The following MLPH variants were observed in gnomAD, a reference collection of about 807,000 sequenced individuals.
MLPH encodes exophilin-3.
MLPH carries 51 observed loss-of-function variants against 72.1 expected under a neutral mutation model. That is an observed-to-expected ratio of 0.71 (90% CI 0.56 to 0.89). The LOEUF (loss-of-function observed/expected upper bound fraction) is 0.89, where lower values mean the gene tolerates loss of function less well. MLPH is among the 40% of genes least tolerant of loss of function. The pLI, the probability that MLPH is intolerant of heterozygous loss-of-function variation, is 0.00. For missense variants in MLPH, 743 were observed against 759.9 expected, an observed-to-expected ratio of 0.98 and a Z score of 0.26; for synonymous variants, 301 against 310.1, an observed-to-expected ratio of 0.97 and a Z score of 0.31.
intron 1 of MLPH, among the ~76,000 whole-genome samples, chr2:237,490,127 G>C (rs1268095334): frequency 2.0e-5 from 3 of 152,116 alleles, no homozygotes; most frequent in Non-Finnish European, 4.4e-5. Flanking sequence ...GATAGAGCAG[G>C]GTGGCGTCTG....
intron 13 of MLPH, among the ~76,000 whole-genome samples, chr2:237,547,949 G>T (rs1158131796): frequency 1.3e-5 from 2 of 152,140 alleles, no homozygotes; most frequent in Non-Finnish European, 2.9e-5. Flanking sequence ...CTGCAGCCCA[G>T]CGCAGCAGGG....
chr2:237,542,539 G>A (rs766788068), intron 11 of MLPH, 28 bp from the exon 12 acceptor site: 15 of 1,553,338 alleles, frequency 9.7e-6, no homozygotes, highest in South Asian at 8.2e-5. Context: ...TCTGTCTGAC[G>A]GGCCTTCTGT....
intron 2 of MLPH, among the ~76,000 whole-genome samples, chr2:237,496,427 A>G (rs1214780952): frequency 6.6e-6 from 1 of 152,090 alleles, no homozygotes; most frequent in Non-Finnish European, 1.5e-5. Flanking sequence ...CCCCCTTCTG[A>G]CACCCGTCTT....
At chr2:237,498,214 G>C (rs1194953193) in intron 2 of MLPH, among the ~76,000 whole-genome samples, 2 of 152,230 alleles carry the variant, frequency 1.3e-5, no homozygotes, top group East Asian at 1.9e-4. Context: ...ATTTGCTTAA[G>C]AGCGGATTCA....
At chr2:237,536,137 C>T (rs2106364762) in intron 9 of MLPH, among the ~76,000 whole-genome samples, 1 of 152,294 alleles carries the variant, frequency 6.6e-6, no homozygotes, top group East Asian at 1.9e-4. Flanking sequence ...AGAAACAGAT[C>T]TGGGTGAAGC....
At position 237,546,434 on chromosome 2, in the gene MLPH, G is replaced by A. The variant is rs536350884; in HGVS notation, c.1540-172G>A. ...TGTATTTTCATTTGCACACTTTGGC[G>A]CCCTAGTCCCAGAGTCCTGGAGCGG... On this transcript the variant is annotated intron_variant, in intron 12 of 15. Coordinates refer to ENST00000264605, the MANE Select transcript of MLPH (RefSeq NM_024101.7). 1.2e-3 allele frequency: 811 copies of A among 663,830 alleles called. 1 individual carries two copies. Among genetic ancestry groups the A allele is most frequent in the Non-Finnish European group, 1.7e-3 (616 of 362,498 alleles). 41.1% of individuals were successfully genotyped at this position (663,830 alleles called of 1,614,324 possible).
intron 4 of MLPH, 106 bp downstream of exon 4, chr2:237,511,207 T>TGTGTGTGTGCAC (rs1491361051): frequency 1.1e-5 from 9 of 855,216 alleles, no homozygotes; most frequent in African/African-American, 5.0e-5. Context: ...TGTGTGTGCA[T>TGTGTGTGTGCAC]GTGTGTGTGC....
At chr2:237,532,740 G>A (rs994430450) in intron 8 of MLPH, among the ~76,000 whole-genome samples, 1 of 152,254 alleles carries the variant, frequency 6.6e-6, no homozygotes, top group African/African-American at 2.4e-5. Context: ...GCCCACGTCT[G>A]AGTGATGCTA....
intron 6 of MLPH, among the ~76,000 whole-genome samples, chr2:237,523,469 G>A (rs534845025): frequency 5.3e-5 from 8 of 152,284 alleles, no homozygotes; most frequent in South Asian, 4.1e-4. Context: ...CATGTTGTTA[G>A]ACACAGGGGC....
rs2079866887 is a variant in MLPH, at chr2:237,510,483, C to G, written c.111-91C>G. On this transcript the variant is annotated intron_variant, in intron 2 of 15. Coordinates refer to ENST00000264605, the MANE Select transcript of MLPH (RefSeq NM_024101.7). The surrounding 1 kb of genome is among the most constrained non-coding windows in gnomAD (Gnocchi z 4.4). ...ACTGTGTGTGTGTATGTGTCTGTGT[C>G]TGTGTGTGTGTGTATGTACGTGTAC... 14 of 1,120,480 alleles carry G rather than the reference C, an allele frequency of 1.2e-5. No homozygotes were observed. Among genetic ancestry groups the G allele is most frequent in the Non-Finnish European group, 1.7e-5 (13 of 752,630 alleles). The allele number at this position is 1,120,480 out of a possible 1,614,324, so 69.4% of individuals were successfully genotyped here. A position where few individuals can be genotyped will look rare whatever the true frequency, so the allele number is the denominator to read the frequency against.
intron 2 of MLPH, among the ~76,000 whole-genome samples, chr2:237,507,036 GTTTTTTTCCTTTTTCTTTTTTTTTTC>G (rs1326528266): frequency 4.6e-5 from 6 of 129,970 alleles, no homozygotes; most frequent in African/African-American, 1.7e-4. Context: ...GGAGTTGGTA[GTTTTTTTCCTTTTTCTTTTTTTTTTC>G]TTTTTTTTTT....
chr2:237,497,922 C>T (rs1324870531), intron 2 of MLPH, among the ~76,000 whole-genome samples: 53 of 152,172 alleles, frequency 3.5e-4, no homozygotes, highest in Admixed American at 3.5e-3. Flanking sequence ...CTCGAGGGAC[C>T]ACTAAGTAGG....
At chr2:237,535,130 G>A (rs552954082) in intron 9 of MLPH, among the ~76,000 whole-genome samples, 1 of 152,300 alleles carries the variant, frequency 6.6e-6, no homozygotes, top group South Asian at 2.1e-4. Flanking sequence ...TGGAGACTGG[G>A]AAGTCTAGGA....
intron 8 of MLPH, among the ~76,000 whole-genome samples, chr2:237,529,006 A>C (rs928270359): frequency 6.6e-6 from 1 of 152,200 alleles, no homozygotes; most frequent in Non-Finnish European, 1.5e-5. Context: ...AAGAGGAGGA[A>C]ATAATCTGTC....
chr2:237,514,273 T>TC (rs2079968010), intron 4 of MLPH, among the ~76,000 whole-genome samples: 1 of 151,086 alleles, frequency 6.6e-6, no homozygotes, highest in East Asian at 1.9e-4. Flanking sequence ...ATTTTTAATG[T>TC]TTTTTTTTAG....
At chr2:237,550,101 G>A (rs1322289879) in intron 14 of MLPH, among the ~76,000 whole-genome samples, 1 of 152,192 alleles carries the variant, frequency 6.6e-6, no homozygotes, top group South Asian at 2.1e-4. Context: ...AACGCACAGC[G>A]GACGCTGGTT....
intron 9 of MLPH, among the ~76,000 whole-genome samples, chr2:237,535,267 A>G (rs2080507646): frequency 6.6e-6 from 1 of 152,112 alleles, no homozygotes; most frequent in African/African-American, 2.4e-5. Flanking sequence ...CCTGGAATGA[A>G]TAACAAATTC....
chr2:237,516,902 TGGATGGATGGTA>T (rs1370200466), intron 4 of MLPH, among the ~76,000 whole-genome samples: 1 of 141,060 alleles, frequency 7.1e-6, no homozygotes, highest in Non-Finnish European at 1.6e-5. Context: ...GATGGTAGGA[TGGATGGATGGTA>T]GGATGGATGG....
At chr2:237,547,370 G>A (rs2080943344) in intron 13 of MLPH, among the ~76,000 whole-genome samples, 1 of 135,448 alleles carries the variant, frequency 7.4e-6, no homozygotes, top group Non-Finnish European at 1.6e-5. Flanking sequence ...TAGGAGCAGT[G>A]CACAGAGGGC....
Sources: gnomAD v4.1 joint callset for allele counts (sites outside exome capture counted in the v4.1 genomes callset) on GRCh38, gnomAD v4.1.1 for gene constraint, Gnocchi (gnomAD v3.1) non-coding constraint, MANE v1.5 for transcripts, NCBI Gene and HGNC (gene_info 2026-07-23, HGNC 2026-07-21) for gene names.